The following ITGA3 variants were observed in gnomAD, a reference collection of about 807,000 sequenced individuals.
ITGA3 encodes integrin subunit alpha 3, also known as integrin alpha-3.
ITGA3 carries 70 observed loss-of-function variants against 131.1 expected under a neutral mutation model. The observed-to-expected ratio is 0.53, with a 90% confidence interval of 0.44 to 0.65. ITGA3 has a LOEUF of 0.65. ITGA3 is among the 30% of genes least tolerant of loss of function. The probability of loss-of-function intolerance (pLI) is 0.00; values close to 1 mark genes in which losing one functional copy is unlikely to be tolerated. For synonymous variants in ITGA3, 537 were observed against 571.6 expected, an observed-to-expected ratio of 0.94 and a Z score of 0.86; for missense variants, 1,098 against 1,388.6, an observed-to-expected ratio of 0.79 and a Z score of 3.33.
Position 50,064,051 on chromosome 17 carries a change from G to A in ITGA3, c.207-26G>A, listed in dbSNP as rs369835082. On this transcript the variant is annotated intron_variant, in intron 1 of 25. Coordinates refer to ENST00000320031, the MANE Select transcript of ITGA3 (RefSeq NM_002204.4). This position sits in a 1 kb window ranked among gnomAD's most constrained non-coding sequence, Gnocchi z 4.4. The stretch of plus-strand genomic sequence containing the variant: ...AGTGGGGCTTGGGGAGTCTGAACCC[G>A]GACCCACCTCCGTCCCTATCCCCAG... The A allele has an allele frequency of 5.8e-5, 94 of 1,610,494 alleles. No individual in the cohort carries two copies. The highest frequency in any genetic ancestry group is 5.1e-4 in the African/African-American group (38 of 74,920).
intron 23 of ITGA3, among the ~76,000 whole-genome samples, chr17:50,082,402 T>C (rs984396342): frequency 1.3e-5 from 2 of 151,974 alleles, no homozygotes; most frequent in Admixed American, 6.6e-5. Flanking sequence ...TGGTCTCAAT[T>C]TCCTGACCTT....
rs370140573 is a variant in ITGA3 at position 50,076,962 on chromosome 17, T to C, written c.1923-12T>C. The C allele has an allele frequency of 9.8e-5, 157 of 1,599,894 alleles. No individual in the cohort carries two copies. Among genetic ancestry groups the C allele is most frequent in the Non-Finnish European group, 1.3e-4 (154 of 1,170,574 alleles). ...CGGGGCTCTTGGCTGAGTCCTGGGCTCCTGCTCTCAGGCTCCAGTACAGCA... is the reference window on the plus strand; with the variant it reads ...CGGGGCTCTTGGCTGAGTCCTGGGCCCCTGCTCTCAGGCTCCAGTACAGCA... On this transcript the variant is annotated splice_polypyrimidine_tract_variant and intron_variant, in intron 14 of 25. Coordinates refer to ENST00000320031, the MANE Select transcript of ITGA3 (RefSeq NM_002204.4).
rs1440880519 is a variant in ITGA3, at chr17:50,080,288, T to C, written c.2733T>C (p.Cys911=). Residue 911 remains cysteine (C), a synonymous_variant, in exon 22 of 26, where the codon TGT becomes TGC. Transcript: ENST00000320031. ...CCTGTGCCACAGGGCGTGCCCACTG[T>C]GTGTGGCTAGAGTGCCCCATCCCTG... is the stretch of plus-strand genomic sequence containing the variant. ...VLTCATGRAH[C]VWLECPIPDA... is the part of the protein sequence containing the mutation. 6.2e-7 allele frequency: 1 copy of C among 1,612,984 alleles called. No homozygotes were observed.
rs921638829 is a variant in ITGA3 at position 50,068,181 on chromosome 17, C to T, written c.540C>T (p.Tyr180=). Residue 180 remains tyrosine (Y), a synonymous_variant, in exon 4 of 26, where the codon TAC becomes TAT. Coordinates refer to ENST00000320031, the MANE Select transcript of ITGA3 (RefSeq NM_002204.4). ...ACTCCAGTGATGACTGGCAGACCTACCACAACGAGATGTGCAATAGCAACA... is the reference window on the plus strand; with the variant it reads ...ACTCCAGTGATGACTGGCAGACCTATCACAACGAGATGTGCAATAGCAACA... ...ELDSSDDWQT[Y]HNEMCNSNTD... is the part of the protein sequence containing the mutation. 6.2e-7 allele frequency: 1 copy of T among 1,614,180 alleles called. No individual in the cohort carries two copies. Among genetic ancestry groups the T allele is most frequent in the Non-Finnish European group, 8.5e-7 (1 of 1,180,046 alleles).
chr17:50,061,120 A>C (rs892037583), intron 1 of ITGA3, among the ~76,000 whole-genome samples: 2 of 151,840 alleles, frequency 1.3e-5, no homozygotes, highest in Non-Finnish European at 2.9e-5. Flanking sequence ...GGAAGCTAAA[A>C]ATACTCTGGG....
chr17:50,063,826 G>T (rs1205426404), intron 1 of ITGA3: 2 of 520,164 alleles, frequency 3.8e-6, no homozygotes, highest in East Asian at 3.4e-5. Flanking sequence ...CACCTCTTCT[G>T]CTGGCCTCCA....
chr17:50,083,723 CAAAAAA>C (rs34118743), intron 23 of ITGA3, among the ~76,000 whole-genome samples: 1 of 124,926 alleles, frequency 8.0e-6, no homozygotes. Flanking sequence ...CATCTTGCCT[CAAAAAA>C]AAAAAAAAAA....
chr17:50,075,178 G>A (rs1365172468), intron 10 of ITGA3, among the ~76,000 whole-genome samples: 1 of 152,168 alleles, frequency 6.6e-6, no homozygotes, highest in Non-Finnish European at 1.5e-5. Flanking sequence ...GTTCAAGACT[G>A]GGCTGGGCCA....
chr17:50,072,784 G>T (rs1908690433), intron 7 of ITGA3, among the ~76,000 whole-genome samples: 3 of 152,116 alleles, frequency 2.0e-5, no homozygotes, highest in Admixed American at 2.0e-4. Flanking sequence ...TCAGGTGGGA[G>T]ATGATAAGGA....
chr17:50,079,520 T>G lies in ITGA3; in HGVS notation c.2669T>G (p.Leu890Arg). Residue 890 changes from leucine (L) to arginine (R), a missense_variant, in exon 21 of 26, where the codon CTG (leucine) becomes CGG (arginine). Physicochemically the swap from Leu to Arg is moderately radical, Grantham distance 102. This residue lies in a region of ITGA3 where 699 missense variants were observed against 829.2 expected (regional missense o/e 0.84). Transcript: ENST00000320031. ...GGGQGPPPVT[L>R]AAAKKAKSET... ...GGCCAGGGCCCCCCACCTGTCACTC[T>G]GGCTGCTGCCAAAAAAGCCAAGTCT... 1 of 1,566,738 alleles carries G rather than the reference T, an allele frequency of 6.4e-7. No homozygotes were observed. The highest frequency in any genetic ancestry group is 8.6e-7 in the Non-Finnish European group (1 of 1,158,556).
Position 50,056,551 on chromosome 17 carries a change from C to A in ITGA3, c.112C>A (p.Arg38=). 6.4e-7 allele frequency: 1 copy of A among 1,564,522 alleles called. No homozygotes were observed. The highest frequency in any genetic ancestry group is 1.4e-5 in the African/African-American group (1 of 73,740). Reference sequence around the variant, plus strand: ...CGTCTCCGCCTTCAACCTGGATACCCGATTCCTGGTAGTGAAGGAGGCCGG... The same window carrying A: ...CGTCTCCGCCTTCAACCTGGATACCAGATTCCTGGTAGTGAAGGAGGCCGG... The part of the protein sequence containing the change: ...CVVSAFNLDT[R]FLVVKEAGNP... The change falls in exon 1 of 26, where the codon CGA becomes AGA. Residue 38 remains arginine (R), a synonymous_variant. Transcript: ENST00000320031. The surrounding 1 kb of genome is among the most constrained non-coding windows in gnomAD (Gnocchi z 5.6).
chr17:50,069,071 A>G (rs1598185200), intron 4 of ITGA3, among the ~76,000 whole-genome samples: 1 of 151,540 alleles, frequency 6.6e-6, no homozygotes, highest in African/African-American at 2.4e-5. Context: ...GATGGTCTCA[A>G]TCTCCTGACC....
chr17:50,083,448 G>A (rs930211536), intron 23 of ITGA3, among the ~76,000 whole-genome samples: 2 of 152,126 alleles, frequency 1.3e-5, no homozygotes, highest in Non-Finnish European at 2.9e-5. Flanking sequence ...AAGAGGCTGG[G>A]CACGGTGGCT....
In ITGA3 at chr17:50,068,060, G is replaced by C; in HGVS notation, c.419G>C (p.Cys140Ser). The C allele has an allele frequency of 1.2e-6, 2 of 1,613,986 alleles. No individual in the cohort carries two copies. Among genetic ancestry groups the C allele is most frequent in the Non-Finnish European group, 1.7e-6 (2 of 1,180,034 alleles). ...SQGPAGRVLV[C>S]AHRYTQVLWS... is the part of the protein sequence containing the mutation. ...CTGTGTTTGGGGGGTCCCCAGGTCTGTGCCCACCGCTACACCCAGGTGCTG... is the reference window on the plus strand; with the variant it reads ...CTGTGTTTGGGGGGTCCCCAGGTCTCTGCCCACCGCTACACCCAGGTGCTG... The change falls in exon 4 of 26, where the codon TGT (cysteine) becomes TCT (serine). Residue 140 changes from cysteine to serine, a missense_variant. By Grantham distance (112) the Cys-to-Ser change is moderately radical. This residue lies in a region of ITGA3 where 356 missense variants were observed against 529.2 expected (regional missense o/e 0.67). Coordinates refer to ENST00000320031, the MANE Select transcript of ITGA3 (RefSeq NM_002204.4).
At chr17:50,087,925 C>G in intron 24 of ITGA3, 56 bp downstream of exon 24, 2 of 1,499,076 alleles carry the variant, frequency 1.3e-6, no homozygotes, top group Non-Finnish European at 1.8e-6. Flanking sequence ...CTCACCAGCC[C>G]TTCCTCCAAC....
At chr17:50,077,893 TG>T in intron 16 of ITGA3, 152 bp from the exon 17 acceptor site, 1 of 608,114 alleles carries the variant, frequency 1.6e-6, no homozygotes, top group Admixed American at 2.9e-5. Context: ...GAGGCAGAGG[TG>T]GGGTGGGGAG....
At position 50,064,628 on chromosome 17, in the gene ITGA3, G is replaced by A. The variant is rs774928255; in HGVS notation, c.414+21G>A. The A allele has an allele frequency of 6.2e-7, 1 of 1,601,004 alleles. No individual in the cohort carries two copies. The highest frequency in any genetic ancestry group is 1.7e-5 in the Admixed American group (1 of 58,580). ...TTCTGGTAAGTGGGTGCTCAGTGTT[G>A]GCTCCTCCACCTCTACCCGGCTCTC... On this transcript the variant is annotated intron_variant, in intron 3 of 25. Coordinates refer to ENST00000320031, the MANE Select transcript of ITGA3 (RefSeq NM_002204.4). The surrounding 1 kb of genome is among the most constrained non-coding windows in gnomAD (Gnocchi z 4.4).
rs542588110 is a variant in ITGA3, at chr17:50,060,676, T to TC, written c.207-3395dup. 9.9e-5 allele frequency among the ~76,000 whole-genome samples: 15 copies of TC among 151,428 alleles called. No individual in the cohort carries two copies. The East Asian group carries it at 2.9e-3, about 30-fold the overall frequency. Reference sequence around the variant, plus strand: ...CATCTGGGGGGCTGGGGGTCTCTGCTCCCCCCAGTCCAGCCTGACTCCAGG... The same window carrying TC: ...CATCTGGGGGGCTGGGGGTCTCTGCTCCCCCCCAGTCCAGCCTGACTCCAGG... On this transcript the variant is annotated intron_variant, in intron 1 of 25. Transcript: ENST00000320031.
rs961227835 is a variant in ITGA3 at position 50,064,392 on chromosome 17, G to A, written c.335-136G>A. ...GATTGGTAGAGCTCAGAATAATGAC[G>A]AGCTGGAGAAGGGGAGTTGGGAGGG... On this transcript the variant is annotated intron_variant, in intron 2 of 25. Transcript: ENST00000320031. The surrounding 1 kb of genome is among the most constrained non-coding windows in gnomAD (Gnocchi z 4.4). The A allele has an allele frequency of 1.5e-5, 17 of 1,120,282 alleles. No individual in the cohort carries two copies. Among genetic ancestry groups the A allele is most frequent in the Admixed American group, 4.5e-5 (2 of 44,894 alleles). 69.4% of individuals were successfully genotyped at this position (1,120,282 alleles called of 1,614,324 possible).
Sources: gnomAD v4.1 joint callset for allele counts (sites outside exome capture counted in the v4.1 genomes callset) on GRCh38, gnomAD v4.1.1 for gene constraint, gnomAD v4.1.1 regional missense constraint, Gnocchi (gnomAD v3.1) non-coding constraint, MANE v1.5 for transcripts, NCBI Gene and HGNC (gene_info 2026-07-23, HGNC 2026-07-21) for gene names.